Variants in DNAH14 observed in about 807,000 individuals in gnomAD.
DNAH14 encodes axonemal beta dynein heavy chain 14.
DNAH14 carries 478 observed loss-of-function variants against 520.9 expected under a neutral mutation model. The ratio of observed to expected loss-of-function variants is 0.92; its 90% CI spans 0.85 to 0.99. DNAH14 has a LOEUF of 0.99. Ranked by LOEUF, DNAH14 falls within the 50% of genes least tolerant of loss-of-function variation. The probability of loss-of-function intolerance (pLI) is 0.00; values close to 1 mark genes in which losing one functional copy is unlikely to be tolerated. For missense variants in DNAH14, 4,831 were observed against 5,234.5 expected, an observed-to-expected ratio of 0.92 and a Z score of 2.38; for synonymous variants, 1,581 against 1,757.2, an observed-to-expected ratio of 0.90 and a Z score of 2.51.
intron 54 of DNAH14, among the ~76,000 whole-genome samples, chr1:225,283,883 G>A (rs1476361820): frequency 6.6e-6 from 1 of 152,224 alleles, no homozygotes. Flanking sequence ...CAAAAGGAAA[G>A]TTGGGATATT....
Position 225,346,219 on chromosome 1 carries a change from A to C in DNAH14, c.10936A>C (p.Ser3646Arg). The stretch of plus-strand genomic sequence containing the variant: ...TTTTGTTTCATCAGTAGTTTCCAAA[A>C]GCAAAGAACAAGAACATAGTTTTAA... Reference protein sequence around the residue: ...QVFVSSVVSKSKEQEHSFKRE... With the variant: ...QVFVSSVVSKRKEQEHSFKRE... Residue 3646 changes from serine (S) to arginine (R), a missense_variant, in exon 70 of 86, where the codon AGC becomes CGC. By Grantham distance (110) the Ser-to-Arg change is moderately radical. Transcript: ENST00000682510. 2 of 1,551,644 alleles carry C rather than the reference A, an allele frequency of 1.3e-6. No individual in the cohort carries two copies. Among genetic ancestry groups the C allele is most frequent in the African/African-American group, 1.4e-5 (1 of 73,162 alleles).
intron 66 of DNAH14, among the ~76,000 whole-genome samples, chr1:225,335,541 A>G (rs200928978): frequency 0.24 from 20,453 of 85,588 alleles, 4,799 homozygotes; most frequent in South Asian, 0.38. Flanking sequence ...ATGTACATAT[A>G]TACGTATATA....
Position 224,993,775 on chromosome 1 carries a change from G to T in DNAH14, c.831-9008G>T, listed in dbSNP as rs568386240. On this transcript the variant is annotated intron_variant, in intron 8 of 85. Coordinates refer to ENST00000682510, the MANE Select transcript of DNAH14 (RefSeq NM_001367479.1). Reference sequence around the variant, plus strand: ...GTTTCTGAAGGCGTAACATTAAGTTGTTTATTTGAGATCTTTATACTTTTT... The same window carrying T: ...GTTTCTGAAGGCGTAACATTAAGTTTTTTATTTGAGATCTTTATACTTTTT... Among the ~76,000 whole-genome samples the T allele has an allele frequency of 1.1e-4, 16 of 151,916 alleles. No homozygotes were observed. In the South Asian group the frequency reaches 1.2e-3, roughly 12 times the overall value.
intron 17 of DNAH14, among the ~76,000 whole-genome samples, chr1:225,072,349 A>G (rs541111640): frequency 3.0e-4 from 46 of 152,270 alleles, no homozygotes; most frequent in Admixed American, 3.0e-3. Context: ...TTGTGATTGC[A>G]TTATGAAATT....
chr1:225,292,771 T>G (rs1383156204), intron 55 of DNAH14, among the ~76,000 whole-genome samples: 1 of 152,174 alleles, frequency 6.6e-6, no homozygotes, highest in Admixed American at 6.6e-5. Context: ...GTTCAGTTTC[T>G]TCTATCAGCG....
At position 225,377,355 on chromosome 1, in the gene DNAH14, G is replaced by A. The variant is rs1456218293; in HGVS notation, c.12635G>A (p.Cys4212Tyr). The A allele has an allele frequency of 1.3e-6, 2 of 1,551,120 alleles. No homozygotes were observed. The highest frequency in any genetic ancestry group is 2.0e-5 in the Admixed American group (1 of 50,898). ...LGIHPEAIRS[C>Y]WETQGEKFIE... ...ATACACCCAGAGGCCATCAGGAGCT[G>A]CTGGGAGACCCAGGGCGAAAAGTTT... Residue 4212 changes from cysteine (C) to tyrosine (Y), a missense_variant, in exon 79 of 86, where the codon TGC (cysteine) becomes TAC (tyrosine). By Grantham distance (194) the Cys-to-Tyr change is radical (BLOSUM62 -2). Transcript: ENST00000682510.
chr1:225,042,487 A>T (rs1240020309), intron 12 of DNAH14, among the ~76,000 whole-genome samples: 1 of 152,120 alleles, frequency 6.6e-6, no homozygotes, highest in African/African-American at 2.4e-5. Context: ...TTGAGCTTGT[A>T]GATGATTAAG....
intron 17 of DNAH14, among the ~76,000 whole-genome samples, chr1:225,061,159 C>T (rs1054436177): frequency 8.5e-5 from 13 of 152,202 alleles, no homozygotes; most frequent in African/African-American, 3.1e-4. Flanking sequence ...TGGTGGGCCC[C>T]ACCCAGTTCG....
At chr1:225,307,006 C>T (rs922282997) in intron 58 of DNAH14, among the ~76,000 whole-genome samples, 3 of 151,744 alleles carry the variant, frequency 2.0e-5, no homozygotes, top group South Asian at 2.1e-4. Flanking sequence ...TTTCCCACCC[C>T]GAAACTTATA....
At chr1:225,112,794 T>C (rs1193945818) in intron 23 of DNAH14, among the ~76,000 whole-genome samples, 2 of 152,084 alleles carry the variant, frequency 1.3e-5, no homozygotes, top group African/African-American at 4.8e-5. Flanking sequence ...AGTATGTCAA[T>C]TGCATTTTTC....
chr1:225,080,035 G>A (rs1045921619), intron 18 of DNAH14, among the ~76,000 whole-genome samples: 1 of 151,926 alleles, frequency 6.6e-6, no homozygotes, highest in African/African-American at 2.4e-5. Flanking sequence ...AACCTGAAAG[G>A]GAAGTAAAAT....
intron 66 of DNAH14, among the ~76,000 whole-genome samples, chr1:225,335,855 A>G (rs1326541227): frequency 1.2e-5 from 1 of 80,438 alleles, no homozygotes; most frequent in East Asian, 4.6e-4. Context: ...ACACATATGT[A>G]CATATATGTA....
chr1:225,294,087 G>T (rs1002988043), intron 55 of DNAH14, among the ~76,000 whole-genome samples: 1 of 152,056 alleles, frequency 6.6e-6, no homozygotes, highest in East Asian at 1.9e-4. Context: ...GTCACATATG[G>T]CCTTTATTGT....
At chr1:225,153,309 T>C (rs746083654) in intron 33 of DNAH14, among the ~76,000 whole-genome samples, 7 of 152,146 alleles carry the variant, frequency 4.6e-5, no homozygotes, top group African/African-American at 7.2e-5. Context: ...GGTTGGAGAA[T>C]TTGTGTTTCT....
At position 225,050,225 on chromosome 1, in the gene DNAH14, T is replaced by C; in HGVS notation, c.1928T>C (p.Leu643Pro). The C allele has an allele frequency of 2.6e-6, 4 of 1,537,386 alleles. No homozygotes were observed. The highest frequency in any genetic ancestry group is 3.5e-6 in the Non-Finnish European group (4 of 1,143,598). The change falls in exon 16 of 86, where the codon CTT becomes CCT. Residue 643 changes from leucine (L) to proline (P), a missense_variant. Leu to Pro is a moderately conservative substitution (Grantham distance 98, BLOSUM62 -3). Transcript: ENST00000682510. ...MEKCITTITP[L>P]CQDPQLSIFI... is the part of the protein sequence containing the mutation. Reference sequence around the variant, plus strand: ...TATATTTTAGCCACAATTACTCCTCTTTGCCAAGATCCCCAGCTGTCTATC... The same window carrying C: ...TATATTTTAGCCACAATTACTCCTCCTTGCCAAGATCCCCAGCTGTCTATC...
chr1:225,128,655 T>G (rs1252462494), intron 27 of DNAH14, among the ~76,000 whole-genome samples: 3 of 151,740 alleles, frequency 2.0e-5, no homozygotes, highest in Non-Finnish European at 2.9e-5. Flanking sequence ...TAGGTATTGA[T>G]GGGACGTATC....
intron 38 of DNAH14, among the ~76,000 whole-genome samples, chr1:225,199,870 G>A (rs1162937200): frequency 2.6e-5 from 4 of 152,166 alleles, no homozygotes; most frequent in Non-Finnish European, 4.4e-5. Flanking sequence ...ACAGGGTATA[G>A]TTTAAATTCA....
In DNAH14 at chr1:225,038,795, A is replaced by C. The variant is rs1006413302; in HGVS notation, c.1460A>C (p.Glu487Ala). Residue 487 changes from glutamate (E) to alanine (A), a missense_variant, in exon 12 of 86, where the codon GAA becomes GCA. Physicochemically the swap from Glu to Ala is moderately radical, Grantham distance 107. Transcript: ENST00000682510. ...KLHAISVQKS[E>A]VKTDTDINEI... Reference sequence around the variant, plus strand: ...CATGCTATTTCTGTTCAAAAGTCAGAAGTAAAAACAGACACTGATATTAAT... The same window carrying C: ...CATGCTATTTCTGTTCAAAAGTCAGCAGTAAAAACAGACACTGATATTAAT... 8 of 1,509,124 alleles carry C rather than the reference A, an allele frequency of 5.3e-6. No individual in the cohort carries two copies. The highest frequency in any genetic ancestry group is 7.1e-6 in the Non-Finnish European group (8 of 1,131,186). The allele number at this position is 1,509,124 out of a possible 1,614,324, so 93.5% of individuals were successfully genotyped here.
chr1:225,188,337 AAG>A (rs1214462563), intron 37 of DNAH14, among the ~76,000 whole-genome samples: 2 of 151,942 alleles, frequency 1.3e-5, no homozygotes, highest in African/African-American at 4.8e-5. Context: ...TCATCACAAG[AAG>A]AGTGAGTACA....
Sources: allele counts gnomAD v4.1 joint callset (sites outside exome capture counted in the v4.1 genomes callset), GRCh38; gene constraint gnomAD v4.1.1; transcripts MANE v1.5; gene names NCBI Gene and HGNC (gene_info 2026-07-23, HGNC 2026-07-21).